The following MAGI1 variants were observed in gnomAD, a reference collection of about 807,000 sequenced individuals.
MAGI1 encodes membrane-associated guanylate kinase, WW and PDZ domain-containing protein 1.
MAGI1 carries 58 observed loss-of-function variants against 139.9 expected under a neutral mutation model. The ratio of observed to expected loss-of-function variants is 0.41; its 90% CI spans 0.34 to 0.52. MAGI1 has a LOEUF of 0.52. Ranked by LOEUF, MAGI1 falls within the 20% of genes least tolerant of loss-of-function variation. The pLI is 0.12. For synonymous variants in MAGI1, 812 were observed against 737.9 expected (o/e 1.10, Z -1.63); for missense variants, 1,874 against 1,901.6 (o/e 0.99, Z 0.27).
intron 1 of MAGI1, among the ~76,000 whole-genome samples, chr3:65,869,071 C>T (rs557568500): frequency 2.6e-5 from 4 of 151,676 alleles, no homozygotes; most frequent in Admixed American, 6.6e-5. Flanking sequence ...ATCGAGACCA[C>T]GGCGAAACCC....
chr3:66,005,606 C>G (rs946917954), intron 1 of MAGI1, among the ~76,000 whole-genome samples: 5 of 152,132 alleles, frequency 3.3e-5, no homozygotes, highest in African/African-American at 1.2e-4. Context: ...CCACGCCTTC[C>G]CCTTGTGTCT....
Position 65,926,819 on chromosome 3 carries a change from A to AC in MAGI1, c.313+111176dup, listed in dbSNP as rs1399231340. Among the ~76,000 whole-genome samples the AC allele has an allele frequency of 4.6e-5, 7 of 152,188 alleles. No homozygotes were observed. The South Asian group carries it at 1.2e-3, about 27-fold the overall frequency. On this transcript the variant is annotated intron_variant, in intron 1 of 22. Transcript: ENST00000402939. The stretch of plus-strand genomic sequence containing the variant: ...AGACCAGCCTGGCCAACATGGTGTA[A>AC]CCCCCATCTCTACTAAAAGTACAAA...
intron 1 of MAGI1, among the ~76,000 whole-genome samples, chr3:65,690,720 T>TCCGCCTC: frequency 8.6e-6 from 1 of 115,862 alleles, no homozygotes; most frequent in Non-Finnish European, 1.7e-5. Flanking sequence ...CCTCAAGTGA[T>TCCGCCTC]CCACCTCCCA....
intron 1 of MAGI1, among the ~76,000 whole-genome samples, chr3:65,781,423 GGATA>G (rs886249260): frequency 7.2e-5 from 11 of 152,174 alleles, no homozygotes; most frequent in Non-Finnish European, 5.9e-5. Context: ...ATCAGGAAAT[GGATA>G]GATTTTTTTT....
chr3:65,523,132 T>C (rs2078236279), intron 2 of MAGI1, among the ~76,000 whole-genome samples: 1 of 152,186 alleles, frequency 6.6e-6, no homozygotes, highest in African/African-American at 2.4e-5. Flanking sequence ...CATATTATGT[T>C]TGCCAGAGTC....
intron 1 of MAGI1, among the ~76,000 whole-genome samples, chr3:65,974,380 CGGGTGGCT>C (rs1281152280): frequency 1.5e-3 from 2 of 1,352 alleles, no homozygotes; most frequent in Non-Finnish European, 2.5e-3. Flanking sequence ...GGCGGGTGGG[CGGGTGGCT>C]GGGTGGATGG....
At chr3:65,756,949 T>C (rs2036610386) in intron 1 of MAGI1, among the ~76,000 whole-genome samples, 1 of 152,236 alleles carries the variant, frequency 6.6e-6, no homozygotes, top group African/African-American at 2.4e-5. Flanking sequence ...AATTTGAAAG[T>C]ATTTTAGTTA....
rs76032342 is a variant in MAGI1, at chr3:65,888,205, G to T, written c.313+149791C>A. 6.4e-3 allele frequency among the ~76,000 whole-genome samples: 976 copies of T among 152,190 alleles called. 9 individuals are homozygous for T. The highest frequency in any genetic ancestry group is 0.022 in the African/African-American group (932 of 41,506). The stretch of plus-strand genomic sequence containing the variant: ...AGGCCCTGAACTTCAAACATTCCTA[G>T]AACAGATTTTTCCTAATGGTGACAG... On this transcript the variant is annotated intron_variant, in intron 1 of 22. Coordinates refer to ENST00000402939, the MANE Select transcript of MAGI1 (RefSeq NM_001033057.2).
intron 1 of MAGI1, among the ~76,000 whole-genome samples, chr3:65,901,184 T>A (rs1396343327): frequency 6.6e-6 from 1 of 152,120 alleles, no homozygotes; most frequent in Non-Finnish European, 1.5e-5. Flanking sequence ...TATTCCTCTC[T>A]AACCAAAACA....
chr3:65,490,808 C>G (rs1951962530), intron 3 of MAGI1, among the ~76,000 whole-genome samples: 1 of 141,070 alleles, frequency 7.1e-6, no homozygotes, highest in Non-Finnish European at 1.5e-5. Context: ...TGCGCCACTG[C>G]ACTCCAGCCT....
At position 66,024,747 on chromosome 3, in the gene MAGI1, A is replaced by C. The variant is rs376293199; in HGVS notation, c.313+13249T>G. On this transcript the variant is annotated intron_variant, in intron 1 of 22. Transcript: ENST00000402939. ...CCTGAACCCAGGAGGCGGAGGTTGC[A>C]GTGAGCCAAGATCGCATCATTGCAC... Among the ~76,000 whole-genome samples the C allele has an allele frequency of 4.8e-3, 731 of 152,068 alleles. 7 individuals carry two copies. Among genetic ancestry groups the C allele is most frequent in the African/African-American group, 0.017 (688 of 41,504 alleles).
chr3:65,843,522 T>C (rs2058881638), intron 1 of MAGI1, among the ~76,000 whole-genome samples: 1 of 152,208 alleles, frequency 6.6e-6, no homozygotes. Context: ...CGTCAGTTTG[T>C]TACATAGCAC....
intron 1 of MAGI1, among the ~76,000 whole-genome samples, chr3:65,914,953 T>C (rs2061831740): frequency 6.6e-6 from 1 of 152,188 alleles, no homozygotes; most frequent in Non-Finnish European, 1.5e-5. Flanking sequence ...CAGGAATAAA[T>C]TTGTAAAGCT....
intron 2 of MAGI1, among the ~76,000 whole-genome samples, chr3:65,616,668 T>C (rs2083387034): frequency 6.6e-6 from 1 of 152,150 alleles, no homozygotes; most frequent in African/African-American, 2.4e-5. Flanking sequence ...GAAACAGCAA[T>C]AGAGAGAAAG....
intron 1 of MAGI1, among the ~76,000 whole-genome samples, chr3:65,907,970 T>C (rs2061504523): frequency 6.6e-6 from 1 of 152,182 alleles, no homozygotes; most frequent in Admixed American, 6.5e-5. Context: ...TTTCACTTTC[T>C]CTCTAGTGCT....
intron 1 of MAGI1, among the ~76,000 whole-genome samples, chr3:65,645,193 A>C (rs750720043): frequency 1.6e-4 from 25 of 152,166 alleles, no homozygotes; most frequent in Non-Finnish European, 3.1e-4. Context: ...AATATATAAA[A>C]ATAGAGGTTC....
intron 3 of MAGI1, among the ~76,000 whole-genome samples, chr3:65,480,001 C>A (rs1448761754): frequency 6.6e-6 from 1 of 152,080 alleles, no homozygotes; most frequent in Non-Finnish European, 1.5e-5. Context: ...TTCTGAGATG[C>A]TGGATCAATC....
At chr3:65,395,214 C>T (rs747435157) in intron 13 of MAGI1, among the ~76,000 whole-genome samples, 1 of 152,056 alleles carries the variant, frequency 6.6e-6, no homozygotes, top group African/African-American at 2.4e-5. Flanking sequence ...AAATTTATCC[C>T]TGGGAATGTA....
intron 1 of MAGI1, among the ~76,000 whole-genome samples, chr3:65,800,192 T>C (rs1426071492): frequency 2.0e-5 from 3 of 152,178 alleles, no homozygotes; most frequent in African/African-American, 7.2e-5. Context: ...TTCAGAATAA[T>C]GCCTGGCACG....
Sources: gnomAD v4.1 joint callset for allele counts (sites outside exome capture counted in the v4.1 genomes callset) on GRCh38, gnomAD v4.1.1 for gene constraint, MANE v1.5 for transcripts, NCBI Gene and HGNC (gene_info 2026-07-23, HGNC 2026-07-21) for gene names.